Variants in SMAD2 observed in about 807,000 individuals in gnomAD.
The protein encoded by SMAD2 is MAD homolog 2.
Under a neutral mutation model 64.4 loss-of-function variants are expected in SMAD2, and 8 were observed. That is an observed-to-expected ratio of 0.12 (90% confidence interval 0.07 to 0.22). The LOEUF (loss-of-function observed/expected upper bound fraction) is 0.22, where lower values mean the gene tolerates loss of function less well. SMAD2 is among the 10% of genes least tolerant of loss of function. The probability of loss-of-function intolerance (pLI) is 1.00; values close to 1 mark genes in which losing one functional copy is unlikely to be tolerated. For synonymous variants in SMAD2, 203 were observed against 195.8 expected (o/e 1.04, Z -0.31); for missense variants, 289 against 561.2 (o/e 0.51, Z 4.90).
intron 7 of SMAD2, among the ~76,000 whole-genome samples, chr18:47,849,593 T>C (rs1461187646): frequency 6.6e-6 from 1 of 152,042 alleles, no homozygotes; most frequent in Admixed American, 6.6e-5. Context: ...GTCCCTGACA[T>C]AAAAGGGTGT....
At chr18:47,856,609 G>C (rs1024128115) in intron 6 of SMAD2, among the ~76,000 whole-genome samples, 83 of 152,126 alleles carry the variant, frequency 5.5e-4, no homozygotes, top group African/African-American at 1.9e-3. Flanking sequence ...TGTATCAAAA[G>C]CACCCACTTC....
In SMAD2 at chr18:47,818,163, C is replaced by G. The variant is rs757079435; in HGVS notation, c.*23664G>C. ...AGCTCTCTAATTTTTTTTCTGCCTA[C>G]TTTAAATCTGCTGTTTCTGCCAGTG... On this transcript the variant is annotated 3_prime_UTR_variant, in exon 11 of 11. Coordinates refer to ENST00000262160, the MANE Select transcript of SMAD2 (RefSeq NM_005901.6). 1 of 152,044 alleles carries G rather than the reference C, an allele frequency of 6.6e-6. No individual in the cohort carries two copies. The allele number at this position is 152,044 out of a possible 1,614,324, so 9.4% of individuals were successfully genotyped here. A position where few individuals can be genotyped will look rare whatever the true frequency, so the allele number is the denominator to read the frequency against.
At position 47,841,177 on chromosome 18, in the gene SMAD2, C is replaced by G. The variant is rs1194651306; in HGVS notation, c.*650G>C. ...AAAAACAAAAAAAAACAAAAAACCACAAAAAGAATGACTGTTTAAGCCCCA... is the reference window on the plus strand; with the variant it reads ...AAAAACAAAAAAAAACAAAAAACCAGAAAAAGAATGACTGTTTAAGCCCCA... On this transcript the variant is annotated 3_prime_UTR_variant, in exon 11 of 11. Transcript: ENST00000262160. 1 of 229,986 alleles carries G rather than the reference C, an allele frequency of 4.3e-6. No individual in the cohort carries two copies. The highest frequency in any genetic ancestry group is 2.3e-5 in the African/African-American group (1 of 44,444). 14.2% of individuals were successfully genotyped at this position (229,986 alleles called of 1,614,324 possible). A position where few individuals can be genotyped will look rare whatever the true frequency, so the allele number is the denominator to read the frequency against.
chr18:47,892,827 C>T (rs1598849460), intron 2 of SMAD2, among the ~76,000 whole-genome samples: 1 of 152,202 alleles, frequency 6.6e-6, no homozygotes, highest in East Asian at 1.9e-4. Context: ...GGTCAGAGTA[C>T]CACCTTAGGA....
rs1568116978 is a variant in SMAD2, at chr18:47,919,516, AC to A, written c.-54+10844del. Among the ~76,000 whole-genome samples the A allele has an allele frequency of 2.0e-3, 262 of 133,774 alleles. 1 individual carries two copies. Among genetic ancestry groups the A allele is most frequent in the Admixed American group, 5.3e-3 (68 of 12,924 alleles). 87.8% of individuals were successfully genotyped at this position (133,774 alleles called of 152,430 possible). A position where few individuals can be genotyped will look rare whatever the true frequency, so the allele number is the denominator to read the frequency against. On this transcript the variant is annotated intron_variant, in intron 1 of 10. Transcript: ENST00000262160. ...CACACACACACACACACACACACAC[AC>A]ACAAAGAATAGGAGATCTAACAAAG...
At chr18:47,842,460 A>G (rs181892238) in intron 10 of SMAD2, among the ~76,000 whole-genome samples, 1 of 152,166 alleles carries the variant, frequency 6.6e-6, no homozygotes, top group East Asian at 1.9e-4. Context: ...GAGTCACTTG[A>G]ACCCAAGAGG....
intron 2 of SMAD2, among the ~76,000 whole-genome samples, chr18:47,894,238 G>GTC (rs1235404492): frequency 1.3e-5 from 2 of 152,180 alleles, no homozygotes; most frequent in African/African-American, 4.8e-5. Context: ...TATCTCTGCT[G>GTC]TATCACACAG....
intron 1 of SMAD2, among the ~76,000 whole-genome samples, chr18:47,914,120 T>G (rs2034246221): frequency 6.6e-6 from 1 of 152,212 alleles, no homozygotes; most frequent in South Asian, 2.1e-4. Context: ...TAAACAACAG[T>G]GCATACTCTT....
At chr18:47,847,594 T>C (rs1914628508) in intron 8 of SMAD2, among the ~76,000 whole-genome samples, 1 of 138,292 alleles carries the variant, frequency 7.2e-6, no homozygotes, top group Non-Finnish European at 1.5e-5. Context: ...CATTACATAT[T>C]AACAATGTTT....
chr18:47,835,968 TC>T lies in SMAD2; in HGVS notation c.*5858del. On this transcript the variant is annotated 3_prime_UTR_variant, in exon 11 of 11. Coordinates refer to ENST00000262160, the MANE Select transcript of SMAD2 (RefSeq NM_005901.6). ...GAGTTAATACACCTTCTGACCCCCA[TC>T]ATCAGTGGCATTATTCTTCCAAGGG... 1 of 211,436 alleles carries T rather than the reference TC, an allele frequency of 4.7e-6. No individual in the cohort carries two copies. Among genetic ancestry groups the T allele is most frequent in the Non-Finnish European group, 9.6e-6 (1 of 104,328 alleles). The allele number at this position is 211,436 out of a possible 1,614,324, so 13.1% of individuals were successfully genotyped here.
At chr18:47,908,492 T>C (rs998414703) in intron 1 of SMAD2, among the ~76,000 whole-genome samples, 3 of 152,014 alleles carry the variant, frequency 2.0e-5, no homozygotes, top group African/African-American at 7.3e-5. Context: ...GAAAAAGGTA[T>C]GTTATAAAGC....
At chr18:47,911,483 A>G (rs1281661475) in intron 1 of SMAD2, among the ~76,000 whole-genome samples, 1 of 152,228 alleles carries the variant, frequency 6.6e-6, no homozygotes, top group Non-Finnish European at 1.5e-5. Context: ...CTCCAGGAAG[A>G]GGCAACACAG....
Position 47,876,185 on chromosome 18 carries a change from T to C in SMAD2, c.237-5621A>G, listed in dbSNP as rs186328305. On this transcript the variant is annotated intron_variant, in intron 2 of 10. Transcript: ENST00000262160. ...CAATGATAGCAATATCCCAAACACA[T>C]TGGCTCAACATTTCCTAAATTTATT... 4.3e-3 allele frequency among the ~76,000 whole-genome samples: 656 copies of C among 152,158 alleles called. 17 individuals carry two copies. Among genetic ancestry groups the C allele is most frequent in the Admixed American group, 0.04 (603 of 15,262 alleles).
chr18:47,855,527 G>A (rs1037580570), intron 6 of SMAD2, among the ~76,000 whole-genome samples: 12 of 152,128 alleles, frequency 7.9e-5, no homozygotes, highest in African/African-American at 2.9e-4. Context: ...CACCAGCACT[G>A]ATGAACTCCC....
At chr18:47,891,062 T>C (rs952470826) in intron 2 of SMAD2, among the ~76,000 whole-genome samples, 4 of 152,150 alleles carry the variant, frequency 2.6e-5, no homozygotes, top group Non-Finnish European at 5.9e-5. Flanking sequence ...CCCAGCACTT[T>C]GGGAGGCCGA....
chr18:47,927,358 T>C (rs2034806908), intron 1 of SMAD2, among the ~76,000 whole-genome samples: 1 of 152,198 alleles, frequency 6.6e-6, no homozygotes, highest in African/African-American at 2.4e-5. Context: ...CTGCTACATG[T>C]TACAGGAAGC....
intron 6 of SMAD2, 71 bp from the exon 7 acceptor site, chr18:47,851,398 T>A (rs2144319265): frequency 1.1e-6 from 1 of 950,132 alleles, no homozygotes; most frequent in Non-Finnish European, 1.7e-6. Context: ...TAAAACTAGC[T>A]TTATCTGGTT....
intron 7 of SMAD2, among the ~76,000 whole-genome samples, chr18:47,848,890 T>C (rs999123598): frequency 6.6e-6 from 1 of 152,214 alleles, no homozygotes; most frequent in African/African-American, 2.4e-5. Context: ...TCCAGTTTCA[T>C]AGATCATACC....
rs753768659 is a variant in SMAD2, at chr18:47,820,790, T to G, written c.*21037A>C. ...AGAATGAAATCATAAGACATTGAGC[T>G]TACATATATACTTGTACATATGTAT... On this transcript the variant is annotated 3_prime_UTR_variant, in exon 11 of 11. Transcript: ENST00000262160. 1.3e-4 allele frequency: 20 copies of G among 152,112 alleles called. No individual in the cohort carries two copies. Among genetic ancestry groups the G allele is most frequent in the Non-Finnish European group, 2.5e-4 (17 of 68,004 alleles). 9.4% of individuals were successfully genotyped at this position (152,112 alleles called of 1,614,324 possible).
Sources: allele counts gnomAD v4.1 joint callset (sites outside exome capture counted in the v4.1 genomes callset), GRCh38; gene constraint gnomAD v4.1.1; transcripts MANE v1.5; gene names NCBI Gene and HGNC (gene_info 2026-07-23, HGNC 2026-07-21).